FAIM2: variants seen among roughly 807,000 people sequenced by gnomAD.
FAIM2 encodes protein lifeguard 2.
In FAIM2, 27 loss-of-function variants were observed where a neutral mutation model predicts 47.4. That is an observed-to-expected ratio of 0.57 (90% CI 0.42 to 0.78). The LOEUF (loss-of-function observed/expected upper bound fraction) is 0.78. Ranked by LOEUF, FAIM2 falls within the 30% of genes least tolerant of loss-of-function variation. The pLI, the probability that FAIM2 is intolerant of heterozygous loss-of-function variation, is 0.00. For synonymous variants in FAIM2, 156 were observed against 159.3 expected (o/e 0.98, Z 0.16); for missense variants, 311 against 389.4 (o/e 0.80, Z 1.69).
At chr12:49,901,519 T>C in intron 1 of FAIM2, 194 bp from the exon 2 acceptor site, 1 of 493,792 alleles carries the variant, frequency 2.0e-6, no homozygotes, top group Admixed American at 4.1e-5. Flanking sequence ...CAGAGCTAGC[T>C]GGGGCACATG....
At position 49,900,417 on chromosome 12, in the gene FAIM2, C is replaced by T. The variant is rs185067770; in HGVS notation, c.211+713G>A. ...TTGGGAAGCTATACGTTCCTGGCCCCGAGGTAAAGCTCCCACAGGCTGCTT... is the reference window on the plus strand; with the variant it reads ...TTGGGAAGCTATACGTTCCTGGCCCTGAGGTAAAGCTCCCACAGGCTGCTT... On this transcript the variant is annotated intron_variant, in intron 2 of 11. Coordinates refer to ENST00000320634, the MANE Select transcript of FAIM2 (RefSeq NM_012306.4). 364 of 157,482 alleles carry T rather than the reference C, an allele frequency of 2.3e-3. 2 individuals are homozygous for T. Among genetic ancestry groups the T allele is most frequent in the African/African-American group, 8.1e-3 (337 of 41,580 alleles). The allele number at this position is 157,482 out of a possible 1,614,324, so 9.8% of individuals were successfully genotyped here.
chr12:49,900,179 A>C (rs1440746170), intron 2 of FAIM2: 1 of 1,287,306 alleles, frequency 7.8e-7, no homozygotes, highest in South Asian at 1.2e-5. Flanking sequence ...CCAGTAGGTC[A>C]CGGTGGGGTG....
At chr12:49,879,518 G>T (rs1031994775) in intron 11 of FAIM2, among the ~76,000 whole-genome samples, 6 of 151,724 alleles carry the variant, frequency 4.0e-5, no homozygotes, top group Non-Finnish European at 8.8e-5. Context: ...GTGCATGTGT[G>T]TGTGTCCATG....
chr12:49,879,417 AGTGTATGTGTGTATGTGCAT>A (rs1408606888), intron 11 of FAIM2, among the ~76,000 whole-genome samples: 99 of 114,074 alleles, frequency 8.7e-4, no homozygotes, highest in African/African-American at 3.4e-3. Context: ...TGTGCATGTG[AGTGTATGTGTGTATGTGCAT>A]GTGTATATGT....
chr12:49,870,550 T>C lies in FAIM2; in HGVS notation c.905A>G (p.Tyr302Cys), dbSNP rs970928223. ...GALNIYLDII[Y>C]IFTFFLQLFG... ...AAGCTGCAGGAAGAAGGTGAAGATA[T>C]AGATGATGTCTAGGTAAATGTTGAG... Residue 302 changes from tyrosine (Y) to cysteine (C), a missense_variant, in exon 12 of 12, where the codon TAT (tyrosine) becomes TGT (cysteine). By Grantham distance (194) the Tyr-to-Cys change is radical. Coordinates refer to ENST00000320634, the MANE Select transcript of FAIM2 (RefSeq NM_012306.4). The C allele has an allele frequency of 2.5e-5, 40 of 1,613,658 alleles. No individual in the cohort carries two copies. The highest frequency in any genetic ancestry group is 1.3e-4 in the African/African-American group (10 of 74,854).
intron 11 of FAIM2, among the ~76,000 whole-genome samples, chr12:49,879,628 ATG>A (rs1406465461): frequency 6.8e-6 from 1 of 146,768 alleles, no homozygotes; most frequent in Admixed American, 6.7e-5. Context: ...ATGTGTGTAT[ATG>A]TGCGTGTATG....
intron 11 of FAIM2, among the ~76,000 whole-genome samples, chr12:49,886,048 G>A (rs1433475490): frequency 6.6e-6 from 1 of 152,078 alleles, no homozygotes; most frequent in East Asian, 1.9e-4. Flanking sequence ...CAAGCCTCCG[G>A]AAATTTGACT....
At chr12:49,902,539 G>A (rs1257939214) in intron 1 of FAIM2, among the ~76,000 whole-genome samples, 1 of 152,162 alleles carries the variant, frequency 6.6e-6, no homozygotes, top group African/African-American at 2.4e-5. Context: ...CTGGGGACAA[G>A]GGGCAGAGGA....
At chr12:49,879,759 T>G (rs994155702) in intron 11 of FAIM2, among the ~76,000 whole-genome samples, 1 of 144,304 alleles carries the variant, frequency 6.9e-6, no homozygotes, top group Non-Finnish European at 1.5e-5. Flanking sequence ...TGCATGTATG[T>G]GTGTGCACGT....
rs1343563094 is a variant in FAIM2, at chr12:49,869,126, A to G, written c.*1378T>C. 6.6e-6 allele frequency: 1 copy of G among 152,500 alleles called. No individual in the cohort carries two copies. The allele number at this position is 152,500 out of a possible 1,614,324, so 9.4% of individuals were successfully genotyped here. On this transcript the variant is annotated 3_prime_UTR_variant, in exon 12 of 12. Transcript: ENST00000320634. ...ACTGGCCTGGAGTTGGCCACTGCACATGCTGGCTGCACGCTCCCCCAGTGT... is the reference window on the plus strand; with the variant it reads ...ACTGGCCTGGAGTTGGCCACTGCACGTGCTGGCTGCACGCTCCCCCAGTGT...
chr12:49,882,952 C>T (rs888426098), intron 11 of FAIM2, among the ~76,000 whole-genome samples: 2 of 152,012 alleles, frequency 1.3e-5, no homozygotes, highest in Non-Finnish European at 2.9e-5. Flanking sequence ...GAATGAGATG[C>T]GCTACAGAGA....
chr12:49,899,402 G>A (rs548718391), intron 2 of FAIM2, among the ~76,000 whole-genome samples: 12 of 152,196 alleles, frequency 7.9e-5, no homozygotes, highest in African/African-American at 2.9e-4. Flanking sequence ...CTCTTCAATG[G>A]CTCCCCACTG....
At chr12:49,900,177 T>C (rs1382175347) in intron 2 of FAIM2, 2 of 1,286,150 alleles carry the variant, frequency 1.6e-6, no homozygotes, top group Non-Finnish European at 2.0e-6. Flanking sequence ...CTCCAGTAGG[T>C]CACGGTGGGG....
At position 49,895,901 on chromosome 12, in the gene FAIM2, C is replaced by A. The variant is rs553231786; in HGVS notation, c.434+1130G>T. Among the ~76,000 whole-genome samples, 16 of 152,360 alleles carry A rather than the reference C, an allele frequency of 1.1e-4. No individual in the cohort carries two copies. The South Asian group carries it at 3.3e-3, about 32-fold the overall frequency. ...GACCCCACGAGGCCCCACTGCTCTC[C>A]AAGATGCCTTGGAATTCCCCTGCAT... On this transcript the variant is annotated intron_variant, in intron 5 of 11. Transcript: ENST00000320634.
At position 49,869,890 on chromosome 12, in the gene FAIM2, A is replaced by G. The variant is rs1592781385; in HGVS notation, c.*614T>C. Reference sequence around the variant, plus strand: ...AAGCAGCAGACAGCACAGGCTTCAGACCCTCTCCTATTGCCCTTGGCCTCC... The same window carrying G: ...AAGCAGCAGACAGCACAGGCTTCAGGCCCTCTCCTATTGCCCTTGGCCTCC... On this transcript the variant is annotated 3_prime_UTR_variant, in exon 12 of 12. Coordinates refer to ENST00000320634, the MANE Select transcript of FAIM2 (RefSeq NM_012306.4). 1 of 152,250 alleles carries G rather than the reference A, an allele frequency of 6.6e-6. No individual in the cohort carries two copies. The highest frequency in any genetic ancestry group is 2.0e-4 in the East Asian group (1 of 5,100). The allele number at this position is 152,250 out of a possible 1,614,324, so 9.4% of individuals were successfully genotyped here.
Position 49,878,498 on chromosome 12 carries a change from ATG to A in FAIM2, c.802-7847_802-7846del, listed in dbSNP as rs1257183646. On this transcript the variant is annotated intron_variant, in intron 11 of 11. Transcript: ENST00000320634. ...TGTGCATGTGTGTATATGTATGTGCATGTGTGTATATGTGTGCATATGACTGT... is the reference window on the plus strand; with the variant it reads ...TGTGCATGTGTGTATATGTATGTGCATGTGTATATGTGTGCATATGACTGT... Among the ~76,000 whole-genome samples the A allele has an allele frequency of 4.8e-4, 43 of 90,318 alleles. 4 individuals carry two copies. Among genetic ancestry groups the A allele is most frequent in the African/African-American group, 1.9e-3 (39 of 20,328 alleles). 59.3% of individuals were successfully genotyped at this position (90,318 alleles called of 152,430 possible).
In FAIM2 at chr12:49,890,697, G is replaced by A; in HGVS notation, c.511C>T (p.Leu171Phe). The A allele has an allele frequency of 6.2e-7, 1 of 1,614,068 alleles. No individual in the cohort carries two copies. Among genetic ancestry groups the A allele is most frequent in the Non-Finnish European group, 8.5e-7 (1 of 1,179,970 alleles). The change falls in exon 7 of 12, where the codon CTC becomes TTC. Residue 171 changes from leucine (L) to phenylalanine (F), a missense_variant. Transcript: ENST00000320634. ...GGATCACTTACAAAGACGGTCAGGA[G>A]AATCAGGTTCCAGGGGAAATGCCTC... The part of the protein sequence containing the change: ...PRRHFPWNLI[L>F]LTVFTLSMAY...
intron 11 of FAIM2, among the ~76,000 whole-genome samples, chr12:49,880,404 GTATGTGCATGTGTA>G (rs1946807198): frequency 6.6e-6 from 1 of 151,654 alleles, no homozygotes; most frequent in Non-Finnish European, 1.5e-5. Flanking sequence ...GTGAGTGTAT[GTATGTGCATGTGTA>G]TATGTGCATA....
At chr12:49,896,991 G>C in intron 5 of FAIM2, 40 bp downstream of exon 5, 1 of 1,536,900 alleles carries the variant, frequency 6.5e-7, no homozygotes, top group Non-Finnish European at 9.0e-7. Flanking sequence ...TGGCCACTAA[G>C]CCTTCTCTGG....
Sources: gnomAD v4.1 joint callset for allele counts (sites outside exome capture counted in the v4.1 genomes callset) on GRCh38, gnomAD v4.1.1 for gene constraint, MANE v1.5 for transcripts, NCBI Gene and HGNC (gene_info 2026-07-23, HGNC 2026-07-21) for gene names.